SUPT3H: variants seen among roughly 807,000 people sequenced by gnomAD.
SUPT3H encodes the protein SPT3 homolog, SAGA and STAGA complex component.
A neutral mutation model predicts 44.3 loss-of-function variants in SUPT3H; 44 were observed. The ratio of observed to expected loss-of-function variants is 0.99; its 90% CI spans 0.78 to 1.28. SUPT3H has a LOEUF of 1.28. SUPT3H is among the 50% of genes most tolerant of loss of function. The pLI is 0.00. For synonymous variants in SUPT3H, 124 were observed against 125.6 expected (o/e 0.99, Z 0.09); for missense variants, 380 against 387.1 (o/e 0.98, Z 0.15).
chr6:45,283,441 A>C (rs4370347), intron 2 of SUPT3H, among the ~76,000 whole-genome samples: 147,566 of 152,102 alleles, frequency 0.97, 71,606 homozygotes, highest in East Asian at 1. Context: ...CAATCCTAGT[A>C]TCTGATAAAA....
At chr6:45,003,588 G>GA in intron 6 of SUPT3H, 65 bp downstream of exon 6, 2 of 1,549,074 alleles carry the variant, frequency 1.3e-6, no homozygotes, top group Non-Finnish European at 1.8e-6. Context: ...ATGAGAATAG[G>GA]ACCAAACAGC....
Position 44,829,534 on chromosome 6 carries a change from C to A in SUPT3H, c.*282G>T, listed in dbSNP as rs9369514. The A allele has an allele frequency of 0.43, 131,226 of 307,392 alleles. 29,104 individuals carry two copies. The highest frequency in any genetic ancestry group is 0.69 in the East Asian group (10,618 of 15,412). The allele number at this position is 307,392 out of a possible 1,614,324, so 19.0% of individuals were successfully genotyped here. ...GGTATGTGAGCTGAGGGCAGTAAAT[C>A]TACTCAAATTAAAATTTCAAAACTG... On this transcript the variant is annotated 3_prime_UTR_variant, in exon 11 of 11. Transcript: ENST00000371459.
chr6:45,376,064 T>C (rs1190975655), intron 1 of SUPT3H, among the ~76,000 whole-genome samples: 5 of 152,198 alleles, frequency 3.3e-5, no homozygotes, highest in African/African-American at 4.8e-5. Flanking sequence ...TGGTAAAAGA[T>C]AGCAGAAACC....
Position 45,234,989 on chromosome 6 carries a change from A to AAT in SUPT3H, c.102-128984_102-128983insAT, listed in dbSNP as rs1335892958. On this transcript the variant is annotated intron_variant, in intron 2 of 10. Transcript: ENST00000371459. The stretch of plus-strand genomic sequence containing the variant: ...AAAATTCTGCCTTAACCTGTCTAAC[A>AAT]TGAAAATACCTCTCATGAGAATTTT... Among the ~76,000 whole-genome samples the AAT allele has an allele frequency of 3.3e-5, 5 of 152,342 alleles. No homozygotes were observed. In the South Asian group the frequency reaches 1.0e-3, roughly 32 times the overall value.
chr6:44,923,147 C>T (rs510167), intron 10 of SUPT3H, among the ~76,000 whole-genome samples: 149,129 of 152,232 alleles, frequency 0.98, 73,056 homozygotes, highest in Middle Eastern at 1. Flanking sequence ...CCTCAAGATA[C>T]AGTATACCTG....
intron 6 of SUPT3H, among the ~76,000 whole-genome samples, chr6:44,982,071 G>T (rs1562193541): frequency 6.6e-6 from 1 of 151,914 alleles, no homozygotes; most frequent in East Asian, 1.9e-4. Context: ...CAAAAGAAAA[G>T]AAAAAGAAAT....
chr6:44,848,230 A>G (rs1362567437), intron 10 of SUPT3H, among the ~76,000 whole-genome samples: 4 of 151,986 alleles, frequency 2.6e-5, no homozygotes, highest in Non-Finnish European at 4.4e-5. Flanking sequence ...TCAGCCTCCC[A>G]AAGTGCTAGG....
At chr6:45,023,078 A>G (rs1785405138) in intron 3 of SUPT3H, among the ~76,000 whole-genome samples, 1 of 152,084 alleles carries the variant, frequency 6.6e-6, no homozygotes, top group Non-Finnish European at 1.5e-5. Context: ...CAAACTTCAA[A>G]AACAGGTGAG....
intron 2 of SUPT3H, among the ~76,000 whole-genome samples, chr6:45,303,825 T>C (rs1183063540): frequency 6.6e-6 from 1 of 151,926 alleles, no homozygotes; most frequent in East Asian, 1.9e-4. Context: ...AAACCTCATA[T>C]CTAATAAAAA....
chr6:45,158,298 A>C (rs1285032), intron 2 of SUPT3H, among the ~76,000 whole-genome samples: 1 of 99,694 alleles, frequency 1.0e-5, no homozygotes, highest in Non-Finnish European at 1.7e-5. Flanking sequence ...ATATATATAT[A>C]TTTTTTTTTT....
chr6:45,308,121 A>T (rs1783364469), intron 2 of SUPT3H, among the ~76,000 whole-genome samples: 2 of 151,014 alleles, frequency 1.3e-5, no homozygotes, highest in African/African-American at 2.4e-5. Flanking sequence ...GAAAAGACCA[A>T]ATCTACACCT....
intron 2 of SUPT3H, among the ~76,000 whole-genome samples, chr6:45,139,161 A>C (rs1399605596): frequency 6.6e-6 from 1 of 152,216 alleles, no homozygotes; most frequent in Non-Finnish European, 1.5e-5. Flanking sequence ...CATAAATTAA[A>C]ATCAAAGCTA....
chr6:45,305,993 G>A (rs796858077), intron 2 of SUPT3H, among the ~76,000 whole-genome samples: 7 of 152,308 alleles, frequency 4.6e-5, no homozygotes, highest in South Asian at 2.1e-4. Context: ...GCATATACCT[G>A]TACTCCCAAT....
chr6:45,222,098 T>G (rs1473487542), intron 2 of SUPT3H, among the ~76,000 whole-genome samples: 2 of 152,026 alleles, frequency 1.3e-5, no homozygotes, highest in Non-Finnish European at 2.9e-5. Flanking sequence ...AACTTCCACT[T>G]AAACCTCACA....
At chr6:45,282,118 T>C (rs1315270292) in intron 2 of SUPT3H, among the ~76,000 whole-genome samples, 3 of 152,052 alleles carry the variant, frequency 2.0e-5, no homozygotes, top group South Asian at 2.1e-4. Flanking sequence ...CAAAGGTAGA[T>C]AAAACCACAA....
At chr6:44,908,866 T>C (rs1766547168) in intron 10 of SUPT3H, among the ~76,000 whole-genome samples, 1 of 152,202 alleles carries the variant, frequency 6.6e-6, no homozygotes, top group South Asian at 2.1e-4. Flanking sequence ...TAATATTGTC[T>C]CTAAAATTTT....
chr6:45,251,795 G>A (rs1772415275), intron 2 of SUPT3H, among the ~76,000 whole-genome samples: 1 of 152,100 alleles, frequency 6.6e-6, no homozygotes, highest in Admixed American at 6.5e-5. Flanking sequence ...GTAATTGAGT[G>A]AATTACTCCT....
At chr6:45,077,626 C>CAAAAAAAAAA (rs70993493) in intron 3 of SUPT3H, among the ~76,000 whole-genome samples, 6,022 of 33,970 alleles carry the variant, frequency 0.18, 1,387 homozygotes, top group Middle Eastern at 0.36. Flanking sequence ...GACCTTGTTT[C>CAAAAAAAAAA]AAAAAAAAAA....
chr6:45,338,831 T>A (rs1789167206), intron 2 of SUPT3H, among the ~76,000 whole-genome samples: 1 of 152,014 alleles, frequency 6.6e-6, no homozygotes, highest in Non-Finnish European at 1.5e-5. Flanking sequence ...GGCACAAAAT[T>A]TAAGGAGGTA....
Sources: gnomAD v4.1 joint callset for allele counts (sites outside exome capture counted in the v4.1 genomes callset) on GRCh38, gnomAD v4.1.1 for gene constraint, MANE v1.5 for transcripts, NCBI Gene and HGNC (gene_info 2026-07-23, HGNC 2026-07-21) for gene names.